The following KCNT1 variants were observed in gnomAD, a reference collection of about 807,000 sequenced individuals.
The protein encoded by KCNT1 is potassium channel subfamily T member 1.
In KCNT1, 78 loss-of-function variants were observed where a neutral mutation model predicts 147.8. The ratio of observed to expected loss-of-function variants is 0.53; its 90% confidence interval spans 0.44 to 0.64. The LOEUF is 0.64. KCNT1 is among the 30% of genes least tolerant of loss of function. KCNT1 has a pLI of 0.00. For synonymous variants in KCNT1, 867 were observed against 748.8 expected, an observed-to-expected ratio of 1.16 and a Z score of -2.58; for missense variants, 1,419 against 1,750.3, an observed-to-expected ratio of 0.81 and a Z score of 3.38.
At chr9:135,723,288 C>G (rs138330815) in intron 2 of KCNT1, among the ~76,000 whole-genome samples, 2 of 152,344 alleles carry the variant, frequency 1.3e-5, no homozygotes, top group African/African-American at 4.8e-5. Context: ...GTCCCAAAAG[C>G]AAAAGCGTTG....
At chr9:135,784,405 T>C in intron 25 of KCNT1, 130 bp from the exon 26 acceptor site, 1 of 705,754 alleles carries the variant, frequency 1.4e-6, no homozygotes, top group Non-Finnish European at 2.5e-6. Flanking sequence ...TGTGTGTGTA[T>C]GCATGAGGGG....
intron 1 of KCNT1, among the ~76,000 whole-genome samples, chr9:135,707,055 C>T (rs75567331): frequency 0.028 from 4,210 of 149,706 alleles, 192 homozygotes; most frequent in African/African-American, 0.098. Context: ...GAGGCTAAGG[C>T]GGGAGGATTG....
chr9:135,782,336 C>CCCACCTCCCCTGCCGT (rs1314284229), intron 24 of KCNT1, among the ~76,000 whole-genome samples: 4 of 152,196 alleles, frequency 2.6e-5, no homozygotes, highest in Non-Finnish European at 5.9e-5. Flanking sequence ...TCCCCTGAGG[C>CCCACCTCCCCTGCCGT]CCACCTCCCC....
chr9:135,729,913 C>G (rs557455382), intron 2 of KCNT1, among the ~76,000 whole-genome samples: 1 of 152,330 alleles, frequency 6.6e-6, no homozygotes, highest in South Asian at 2.1e-4. Flanking sequence ...CTGGTCACCT[C>G]AAGGTGGCCT....
In KCNT1 at chr9:135,772,860, C is replaced by A; in HGVS notation, c.2154C>A (p.Asp718Glu). ...PSIAPVLELADSSALLPCDLL... is the reference protein window; with the variant it reads ...PSIAPVLELAESSALLPCDLL... Reference sequence around the variant, plus strand: ...TCGCGCCCGTCCTGGAACTGGCCGACAGCTCAGCCCTGCTGCCCTGCGACC... The same window carrying A: ...TCGCGCCCGTCCTGGAACTGGCCGAAAGCTCAGCCCTGCTGCCCTGCGACC... The change falls in exon 19 of 31, where the codon GAC (aspartate) becomes GAA (glutamate). Residue 718 changes from aspartate to glutamate, a missense_variant. By Grantham distance (45) the Asp-to-Glu change is conservative. Coordinates refer to ENST00000371757, the MANE Select transcript of KCNT1 (RefSeq NM_020822.3). 6.5e-7 allele frequency: 1 copy of A among 1,550,332 alleles called. No homozygotes were observed. The highest frequency in any genetic ancestry group is 8.7e-7 in the Non-Finnish European group (1 of 1,147,590).
intron 11 of KCNT1, 117 bp downstream of exon 11, chr9:135,759,976 C>T: frequency 2.1e-6 from 2 of 969,566 alleles, no homozygotes; most frequent in Middle Eastern, 3.4e-4. Flanking sequence ...CAGGAGGGGA[C>T]AGTGAGGCCA....
At chr9:135,743,264 T>C (rs575333877) in intron 2 of KCNT1, among the ~76,000 whole-genome samples, 1 of 152,132 alleles carries the variant, frequency 6.6e-6, no homozygotes, top group East Asian at 1.9e-4. Flanking sequence ...CCGGTGGTGC[T>C]TCCTGACTTC....
At chr9:135,739,457 C>A (rs1020470943) in intron 2 of KCNT1, among the ~76,000 whole-genome samples, 1 of 151,984 alleles carries the variant, frequency 6.6e-6, no homozygotes, top group Non-Finnish European at 1.5e-5. Context: ...CCCCGGACAC[C>A]CTTGCCAGGA....
intron 2 of KCNT1, among the ~76,000 whole-genome samples, chr9:135,727,723 C>T (rs1223198823): frequency 2.6e-5 from 4 of 152,256 alleles, no homozygotes; most frequent in East Asian, 1.9e-4. Flanking sequence ...TCCTCCAGCC[C>T]CCACTCGCTG....
intron 2 of KCNT1, among the ~76,000 whole-genome samples, chr9:135,720,842 G>T (rs2131340763): frequency 6.6e-6 from 1 of 152,372 alleles, no homozygotes; most frequent in East Asian, 1.9e-4. Context: ...GGGAAGCTAG[G>T]GCTGGGCTGC....
chr9:135,767,300 C>T (rs903249031), intron 13 of KCNT1, among the ~76,000 whole-genome samples: 1 of 152,220 alleles, frequency 6.6e-6, no homozygotes, highest in Non-Finnish European at 1.5e-5. Context: ...AGGCCATTCC[C>T]AGCCAGGCAG....
At chr9:135,736,295 C>T (rs1330842148) in intron 2 of KCNT1, among the ~76,000 whole-genome samples, 1 of 152,176 alleles carries the variant, frequency 6.6e-6, no homozygotes, top group African/African-American at 2.4e-5. Context: ...GGGACTCCGG[C>T]TCCTCTCCAG....
intron 20 of KCNT1, among the ~76,000 whole-genome samples, chr9:135,776,610 G>A (rs1833187245): frequency 6.6e-6 from 1 of 152,232 alleles, no homozygotes; most frequent in South Asian, 2.1e-4. Flanking sequence ...CCAGCTGTGT[G>A]TTAGGGCTCG....
chr9:135,736,542 G>A (rs1830344335), intron 2 of KCNT1: 1 of 151,328 alleles, frequency 6.6e-6, no homozygotes. Flanking sequence ...CGGCGGCGTG[G>A]GGAGGGCGCG....
At chr9:135,763,941 C>T (rs1832084028) in intron 11 of KCNT1, among the ~76,000 whole-genome samples, 1 of 152,140 alleles carries the variant, frequency 6.6e-6, no homozygotes, top group Non-Finnish European at 1.5e-5. Context: ...GCAGAGCCCC[C>T]GCCAGCACCA....
At chr9:135,716,267 G>A (rs1022102261) in intron 2 of KCNT1, among the ~76,000 whole-genome samples, 1 of 152,178 alleles carries the variant, frequency 6.6e-6, no homozygotes, top group Non-Finnish European at 1.5e-5. Flanking sequence ...ATGGTGCCTG[G>A]GGCTCCCAGA....
chr9:135,728,903 G>C (rs138366390), intron 2 of KCNT1, among the ~76,000 whole-genome samples: 1 of 152,176 alleles, frequency 6.6e-6, no homozygotes, highest in Non-Finnish European at 1.5e-5. Flanking sequence ...ATCACACCAC[G>C]ATTGTCACGT....
In KCNT1 at chr9:135,768,824, G is replaced by A. The variant is rs573411729; in HGVS notation, c.1402-5G>A. Reference sequence around the variant, plus strand: ...TCTGCACTGACCAACCACCCACCCCGCCAGGACCACCAGACCATCCTGCGC... The same window carrying A: ...TCTGCACTGACCAACCACCCACCCCACCAGGACCACCAGACCATCCTGCGC... On this transcript the variant is annotated splice_polypyrimidine_tract_variant and splice_region_variant and intron_variant, in intron 14 of 30. Transcript: ENST00000371757. 2.5e-5 allele frequency: 41 copies of A among 1,608,518 alleles called. No individual in the cohort carries two copies. In the Middle Eastern group the frequency reaches 5.2e-4, roughly 20 times the overall value.
chr9:135,771,808 C>T (rs1046299184), intron 18 of KCNT1, among the ~76,000 whole-genome samples: 4 of 152,308 alleles, frequency 2.6e-5, no homozygotes, highest in African/African-American at 2.4e-5. Flanking sequence ...AGTTAGGGAG[C>T]AGGGCCAGGC....
Sources: gnomAD v4.1 joint callset for allele counts (sites outside exome capture counted in the v4.1 genomes callset) on GRCh38, gnomAD v4.1.1 for gene constraint, MANE v1.5 for transcripts, NCBI Gene and HGNC (gene_info 2026-07-23, HGNC 2026-07-21) for gene names.